RUNX1: variants seen among roughly 807,000 people sequenced by gnomAD.
RUNX1 encodes the protein RUNX family transcription factor 1, also known as runt-related transcription factor 1.
Under a neutral mutation model 42.8 loss-of-function variants are expected in RUNX1, and 19 were observed. The observed-to-expected ratio is 0.44, with a 90% CI of 0.31 to 0.65. The LOEUF (loss-of-function observed/expected upper bound fraction) is 0.65, where lower values mean the gene tolerates loss of function less well. Ranked by LOEUF, RUNX1 falls within the 30% of genes least tolerant of loss-of-function variation. The pLI is 0.07. For synonymous variants in RUNX1, 271 were observed against 289.4 expected (o/e 0.94, Z 0.64); for missense variants, 528 against 672.0 (o/e 0.79, Z 2.37).
At chr21:34,818,004 C>T (rs1021922534) in intron 7 of RUNX1, among the ~76,000 whole-genome samples, 3 of 152,174 alleles carry the variant, frequency 2.0e-5, no homozygotes, top group Non-Finnish European at 2.9e-5. Context: ...GAACAGTTTG[C>T]GGTTTCATCA....
intron 2 of RUNX1, among the ~76,000 whole-genome samples, chr21:35,003,355 C>T (rs187183314): frequency 8.8e-4 from 134 of 152,228 alleles, no homozygotes; most frequent in African/African-American, 2.9e-3. Context: ...ATCATGGGTT[C>T]GCCTGCATGT....
intron 2 of RUNX1, among the ~76,000 whole-genome samples, chr21:34,943,772 G>C (rs1394976326): frequency 6.6e-6 from 1 of 152,142 alleles, no homozygotes; most frequent in East Asian, 1.9e-4. Context: ...AAATTGTGGG[G>C]AGAAAATTTG....
At chr21:34,880,479 C>T (rs527582542) in intron 5 of RUNX1, 78 bp downstream of exon 5, 1 of 1,386,488 alleles carries the variant, frequency 7.2e-7, no homozygotes, top group Non-Finnish European at 1.0e-6. Flanking sequence ...GATTCCATCA[C>T]AGAAATCACT....
At chr21:34,873,908 T>G (rs959802301) in intron 5 of RUNX1, among the ~76,000 whole-genome samples, 9 of 152,240 alleles carry the variant, frequency 5.9e-5, no homozygotes, top group Non-Finnish European at 1.2e-4. Context: ...GACGTTGAAG[T>G]GCTGCGATCT....
chr21:34,862,511 C>T (rs1169323413), intron 5 of RUNX1, among the ~76,000 whole-genome samples: 1 of 152,176 alleles, frequency 6.6e-6, no homozygotes, highest in African/African-American at 2.4e-5. Flanking sequence ...AAGGTGGCAG[C>T]AGGGCCACAC....
chr21:34,882,214 C>G (rs2057915589), intron 4 of RUNX1, among the ~76,000 whole-genome samples: 1 of 152,190 alleles, frequency 6.6e-6, no homozygotes. Context: ...TCATGTTTCT[C>G]AAGATTCCCA....
intron 2 of RUNX1, among the ~76,000 whole-genome samples, chr21:34,970,890 G>GA (rs943954186): frequency 3.9e-4 from 58 of 150,106 alleles, no homozygotes; most frequent in African/African-American, 6.6e-4. Context: ...AAAATTAAAA[G>GA]AAAAAAAAAG....
In RUNX1 at chr21:34,791,990, T is replaced by A. The variant is rs762430328; in HGVS notation, c.*145A>T. On this transcript the variant is annotated 3_prime_UTR_variant, in exon 9 of 9. Coordinates refer to ENST00000675419, the MANE Select transcript of RUNX1 (RefSeq NM_001754.5). ...TGCGCGGGCCTGACCTACAGCGAGA[T>A]CCTGGCCGTCGGGCGCCCTCGGCCC... 4 of 477,064 alleles carry A rather than the reference T, an allele frequency of 8.4e-6. No homozygotes were observed. In the South Asian group the frequency reaches 9.2e-5, roughly 11 times the overall value. 29.6% of individuals were successfully genotyped at this position (477,064 alleles called of 1,614,324 possible). A position where few individuals can be genotyped will look rare whatever the true frequency, so the allele number is the denominator to read the frequency against.
At chr21:34,888,155 G>A (rs1347371749) in intron 3 of RUNX1, 2 of 1,066,278 alleles carry the variant, frequency 1.9e-6, no homozygotes, top group Middle Eastern at 4.1e-4. Flanking sequence ...GCCCTGACTC[G>A]GGCAGCAGCG....
At chr21:34,881,371 T>A (rs1231879961) in intron 4 of RUNX1, among the ~76,000 whole-genome samples, 2 of 152,232 alleles carry the variant, frequency 1.3e-5, no homozygotes, top group Non-Finnish European at 2.9e-5. Context: ...CCTCTACAGT[T>A]CATCTTTGAT....
chr21:35,047,606 T>G (rs1221438276), intron 2 of RUNX1, among the ~76,000 whole-genome samples: 3 of 125,116 alleles, frequency 2.4e-5, no homozygotes, highest in Non-Finnish European at 5.3e-5. Flanking sequence ...CTCATCAAGT[T>G]TTTTAATTTC....
chr21:34,960,739 C>A (rs1156265761), intron 2 of RUNX1, among the ~76,000 whole-genome samples: 4 of 152,062 alleles, frequency 2.6e-5, no homozygotes, highest in Non-Finnish European at 4.4e-5. Context: ...CCCCAAGAAT[C>A]CCTTATGGTG....
chr21:34,973,970 T>G (rs1469147180), intron 2 of RUNX1, among the ~76,000 whole-genome samples: 1 of 152,206 alleles, frequency 6.6e-6, no homozygotes, highest in Non-Finnish European at 1.5e-5. Context: ...TATCTCAATA[T>G]TTCTGATGAA....
chr21:34,874,685 A>C (rs543241513), intron 5 of RUNX1, among the ~76,000 whole-genome samples: 1 of 151,730 alleles, frequency 6.6e-6, no homozygotes, highest in South Asian at 2.1e-4. Flanking sequence ...CTTAAAAAAA[A>C]AACAACAAAA....
intron 6 of RUNX1, among the ~76,000 whole-genome samples, chr21:34,852,632 G>A (rs1363104537): frequency 6.6e-6 from 1 of 152,202 alleles, no homozygotes; most frequent in African/African-American, 2.4e-5. Context: ...GGCCTGAAAT[G>A]CCTTTCAAAG....
At chr21:34,875,170 C>T (rs1196989654) in intron 5 of RUNX1, among the ~76,000 whole-genome samples, 2 of 152,248 alleles carry the variant, frequency 1.3e-5, no homozygotes, top group African/African-American at 4.8e-5. Flanking sequence ...AAGCAGTTTT[C>T]AAGAAAGCTT....
At chr21:35,023,949 A>G (rs1228086433) in intron 2 of RUNX1, among the ~76,000 whole-genome samples, 2 of 149,510 alleles carry the variant, frequency 1.3e-5, no homozygotes, top group African/African-American at 2.4e-5. Context: ...ATATTTTACT[A>G]TATTTATATA....
chr21:34,863,708 C>G (rs1363408186), intron 5 of RUNX1, among the ~76,000 whole-genome samples: 3 of 151,954 alleles, frequency 2.0e-5, no homozygotes, highest in African/African-American at 7.3e-5. Context: ...GTGCATACCA[C>G]CACACCCAGC....
At chr21:35,036,986 C>T (rs937772210) in intron 2 of RUNX1, among the ~76,000 whole-genome samples, 4 of 152,152 alleles carry the variant, frequency 2.6e-5, no homozygotes, top group Admixed American at 2.0e-4. Flanking sequence ...TTCTTCTGTA[C>T]ATGTGTTCCA....
Sources: allele counts gnomAD v4.1 joint callset (sites outside exome capture counted in the v4.1 genomes callset), GRCh38; gene constraint gnomAD v4.1.1; transcripts MANE v1.5; gene names NCBI Gene and HGNC (gene_info 2026-07-23, HGNC 2026-07-21).